NDUFV2: variants seen among roughly 807,000 people sequenced by gnomAD.
NDUFV2 encodes the protein NADH dehydrogenase [ubiquinone] flavoprotein 2, mitochondrial.
NDUFV2 carries 18 observed loss-of-function variants against 31.6 expected under a neutral mutation model. The observed-to-expected ratio is 0.57, with a 90% CI of 0.39 to 0.84. The LOEUF (loss-of-function observed/expected upper bound fraction) is 0.84. NDUFV2 is among the 40% of genes least tolerant of loss of function. The probability of loss-of-function intolerance (pLI) is 0.00; values close to 1 mark genes in which losing one functional copy is unlikely to be tolerated. For synonymous variants in NDUFV2, 83 were observed against 99.8 expected, an observed-to-expected ratio of 0.83 and a Z score of 1.01; for missense variants, 314 against 303.6, an observed-to-expected ratio of 1.03 and a Z score of -0.26.
intron 7 of NDUFV2, among the ~76,000 whole-genome samples, chr18:9,130,982 A>C (rs2078035253): frequency 6.6e-6 from 1 of 152,220 alleles, no homozygotes; most frequent in Non-Finnish European, 1.5e-5. Flanking sequence ...TTGATTGCTC[A>C]TGCAGTTGAA....
chr18:9,128,897 G>T (rs976357712), intron 7 of NDUFV2, among the ~76,000 whole-genome samples: 1 of 152,026 alleles, frequency 6.6e-6, no homozygotes, highest in African/African-American at 2.4e-5. Context: ...TAGATGTTTT[G>T]AATTCTATAG....
intron 7 of NDUFV2, among the ~76,000 whole-genome samples, chr18:9,127,505 C>G (rs559038100): frequency 5.4e-4 from 82 of 152,090 alleles, no homozygotes; most frequent in Admixed American, 1.3e-3. Context: ...ACTCCGTCAC[C>G]CAGTCTGGAG....
intron 2 of NDUFV2, 46 bp downstream of exon 2, chr18:9,117,949 T>G: frequency 7.5e-7 from 1 of 1,326,678 alleles, no homozygotes; most frequent in Non-Finnish European, 1.1e-6. Context: ...ACTTGGAAAT[T>G]GGGGTAAATC....
At chr18:9,111,672 G>A (rs544988933) in intron 1 of NDUFV2, among the ~76,000 whole-genome samples, 8 of 151,794 alleles carry the variant, frequency 5.3e-5, no homozygotes, top group African/African-American at 1.5e-4. Context: ...CAGGTGATCC[G>A]TCCGCCTCAG....
chr18:9,117,648 T>C (rs2077905513), intron 1 of NDUFV2, 190 bp from the exon 2 acceptor site: 1 of 536,246 alleles, frequency 1.9e-6, no homozygotes, highest in African/African-American at 1.9e-5. Flanking sequence ...GGTGGGTGAA[T>C]CTTGGCTTTG....
chr18:9,117,446 T>A (rs1375450918), intron 1 of NDUFV2: 1 of 234,920 alleles, frequency 4.3e-6, no homozygotes, highest in Non-Finnish European at 8.6e-6. Context: ...TTGTACAGAA[T>A]GAAAACATGT....
At chr18:9,106,851 T>G (rs1187468094) in intron 1 of NDUFV2, among the ~76,000 whole-genome samples, 3 of 152,198 alleles carry the variant, frequency 2.0e-5, no homozygotes, top group East Asian at 3.9e-4. Context: ...TCTTGGCCCC[T>G]TCTTTCATCT....
chr18:9,121,477 A>G (rs924100683), intron 4 of NDUFV2: 5 of 152,320 alleles, frequency 3.3e-5, no homozygotes, highest in South Asian at 2.1e-4. Flanking sequence ...AAATAGCACA[A>G]TTACTTTATC....
intron 5 of NDUFV2, 90 bp from the exon 6 acceptor site, chr18:9,124,784 A>G: frequency 1.5e-6 from 2 of 1,305,554 alleles, no homozygotes; most frequent in South Asian, 1.4e-5. Flanking sequence ...AACTTTTAAT[A>G]TACCTCTATA....
intron 1 of NDUFV2, among the ~76,000 whole-genome samples, chr18:9,112,180 G>A (rs1053698247): frequency 2.0e-5 from 3 of 151,814 alleles, no homozygotes; most frequent in African/African-American, 4.8e-5. Context: ...CACCACACGC[G>A]GTGAATTTTT....
chr18:9,114,072 T>C (rs1173614282), intron 1 of NDUFV2, among the ~76,000 whole-genome samples: 1 of 152,156 alleles, frequency 6.6e-6, no homozygotes, highest in East Asian at 1.9e-4. Flanking sequence ...AGGTATTTTA[T>C]ACAAAAATAA....
intron 7 of NDUFV2, chr18:9,132,138 T>A (rs920480734): frequency 6.6e-6 from 1 of 152,326 alleles, no homozygotes; most frequent in East Asian, 1.9e-4. Context: ...GAACAAACTT[T>A]AGGAAACTCT....
chr18:9,117,795 A>T, intron 1 of NDUFV2, 43 bp from the exon 2 acceptor site: 1 of 1,147,562 alleles, frequency 8.7e-7, no homozygotes, highest in Non-Finnish European at 1.3e-6. Context: ...AAAATTTTTT[A>T]AGGCTATGAT....
In NDUFV2 at chr18:9,104,164, T is replaced by C. The variant is rs1408148384; in HGVS notation, c.54+1367T>C. ...GGGTATTCTAGGTGGAAAGGACAAC[T>C]TAAAGTCTTGTTGGCAAGAAAAAGA... On this transcript the variant is annotated intron_variant, in intron 1 of 7. Transcript: ENST00000318388. The C allele has an allele frequency of 2.5e-6, 4 of 1,612,810 alleles. No individual in the cohort carries two copies. In the Admixed American group the frequency reaches 5.0e-5, roughly 20 times the overall value.
chr18:9,116,537 G>A (rs1397826918), intron 1 of NDUFV2, among the ~76,000 whole-genome samples: 1 of 152,106 alleles, frequency 6.6e-6, no homozygotes, highest in African/African-American at 2.4e-5. Context: ...GCCCCCTTGT[G>A]CACCTCTGAC....
intron 1 of NDUFV2, among the ~76,000 whole-genome samples, chr18:9,110,680 G>GT (rs2144732033): frequency 6.6e-6 from 1 of 152,160 alleles, no homozygotes; most frequent in Admixed American, 6.5e-5. Context: ...GCTAACTTTT[G>GT]TATTTTTTGT....
At chr18:9,121,004 G>C (rs1173071859) in intron 4 of NDUFV2, among the ~76,000 whole-genome samples, 1 of 152,074 alleles carries the variant, frequency 6.6e-6, no homozygotes, top group African/African-American at 2.4e-5. Flanking sequence ...GTAGACCCAG[G>C]TACTCAGGAT....
intron 7 of NDUFV2, among the ~76,000 whole-genome samples, chr18:9,132,627 C>A (rs2078049642): frequency 6.6e-6 from 1 of 152,150 alleles, no homozygotes; most frequent in Admixed American, 6.5e-5. Context: ...GTAATCCCAG[C>A]ACTTTGGGAG....
chr18:9,131,848 G>GT (rs5823043), intron 7 of NDUFV2, among the ~76,000 whole-genome samples: 16,635 of 152,176 alleles, frequency 0.11, 1,071 homozygotes, highest in African/African-American at 0.16. Flanking sequence ...TTTTTGTTTA[G>GT]TAAGTGAAAA....
Sources: gnomAD v4.1 joint callset for allele counts (sites outside exome capture counted in the v4.1 genomes callset) on GRCh38, gnomAD v4.1.1 for gene constraint, MANE v1.5 for transcripts, NCBI Gene and HGNC (gene_info 2026-07-23, HGNC 2026-07-21) for gene names.